Variants in SGCZ observed in about 807,000 individuals in gnomAD.
SGCZ encodes sarcoglycan zeta, also known as zeta-sarcoglycan.
SGCZ carries 40 observed loss-of-function variants against 41.3 expected under a neutral mutation model. The ratio of observed to expected loss-of-function variants is 0.97; its 90% CI spans 0.75 to 1.26. SGCZ has a LOEUF of 1.26. Ranked by LOEUF, SGCZ falls within the 50% of genes most tolerant of loss-of-function variation. The pLI, the probability that SGCZ is intolerant of heterozygous loss-of-function variation, is 0.00. For missense variants in SGCZ, 552 were observed against 369.8 expected (o/e 1.49, Z -4.04); for synonymous variants, 206 against 137.5 (o/e 1.50, Z -3.49).
At chr8:14,410,950 G>GT (rs1324055898) in intron 2 of SGCZ, among the ~76,000 whole-genome samples, 1 of 151,850 alleles carries the variant, frequency 6.6e-6, no homozygotes, top group African/African-American at 2.4e-5. Context: ...TTTCTTCAAC[G>GT]TTTTTTCTTT....
chr8:15,039,997 A>C (rs1804028693), intron 1 of SGCZ, among the ~76,000 whole-genome samples: 1 of 151,916 alleles, frequency 6.6e-6, no homozygotes, highest in African/African-American at 2.4e-5. Context: ...TTTAATTTGC[A>C]AAAAAAGTTA....
chr8:14,192,034 T>C (rs936784527), intron 4 of SGCZ, among the ~76,000 whole-genome samples: 11 of 152,086 alleles, frequency 7.2e-5, no homozygotes, highest in African/African-American at 2.7e-4. Flanking sequence ...TAGGAGGTAA[T>C]ACAAAATTCT....
At chr8:14,700,445 C>A (rs1809099784) in intron 1 of SGCZ, among the ~76,000 whole-genome samples, 1 of 151,750 alleles carries the variant, frequency 6.6e-6, no homozygotes, top group African/African-American at 2.4e-5. Flanking sequence ...ATAATGGACA[C>A]TGAGGACTAC....
rs931943257 is a variant in SGCZ, at chr8:15,023,177, C to G, written c.39+214408G>C. The stretch of plus-strand genomic sequence containing the variant: ...CGCTTGCTGAAAATTGAACATGAAA[C>G]AGATTAAATAGCATCTGAGAGGGGC... On this transcript the variant is annotated intron_variant, in intron 1 of 7. Coordinates refer to ENST00000382080, the MANE Select transcript of SGCZ (RefSeq NM_139167.4). Among the ~76,000 whole-genome samples the G allele has an allele frequency of 2.0e-5, 3 of 152,120 alleles. No individual in the cohort carries two copies. In the South Asian group the frequency reaches 6.2e-4, roughly 32 times the overall value.
chr8:15,237,511 G>T (rs1431026929), intron 1 of SGCZ, 74 bp downstream of exon 1: 2 of 1,522,360 alleles, frequency 1.3e-6, no homozygotes, highest in Non-Finnish European at 8.9e-7. Context: ...GCCGCTGGAG[G>T]AGCCGCGGGA....
chr8:14,950,959 G>C (rs1373460949), intron 1 of SGCZ, among the ~76,000 whole-genome samples: 1 of 151,978 alleles, frequency 6.6e-6, no homozygotes, highest in East Asian at 1.9e-4. Context: ...TTTGAATGTA[G>C]ATGTAAGTCA....
chr8:14,256,317 C>G (rs1463846096), intron 3 of SGCZ, among the ~76,000 whole-genome samples: 1 of 151,988 alleles, frequency 6.6e-6, no homozygotes, highest in Non-Finnish European at 1.5e-5. Flanking sequence ...GTCATTGGCT[C>G]TATATTCTTA....
At chr8:15,144,680 T>C (rs1435307005) in intron 1 of SGCZ, among the ~76,000 whole-genome samples, 3 of 152,154 alleles carry the variant, frequency 2.0e-5, no homozygotes, top group African/African-American at 7.2e-5. Flanking sequence ...ATTCTCGAAC[T>C]CCCGACCTCA....
intron 3 of SGCZ, among the ~76,000 whole-genome samples, chr8:14,307,080 C>A (rs1801373495): frequency 6.6e-6 from 1 of 152,028 alleles, no homozygotes; most frequent in Non-Finnish European, 1.5e-5. Context: ...AATATTTTAT[C>A]AGAAAAAGAG....
intron 1 of SGCZ, among the ~76,000 whole-genome samples, chr8:14,693,480 C>T (rs905193792): frequency 2.0e-5 from 3 of 150,206 alleles, no homozygotes; most frequent in Admixed American, 6.6e-5. Context: ...TTAGTAGAGA[C>T]AGGGTTTCAC....
At chr8:14,325,821 AG>A (rs71209041) in intron 2 of SGCZ, among the ~76,000 whole-genome samples, 1 of 142,320 alleles carries the variant, frequency 7.0e-6, no homozygotes, top group Non-Finnish European at 1.5e-5. Flanking sequence ...GAAAGGGATG[AG>A]GACGTGGGCC....
chr8:15,111,864 C>T (rs964132987), intron 1 of SGCZ, among the ~76,000 whole-genome samples: 3 of 150,698 alleles, frequency 2.0e-5, no homozygotes, highest in Admixed American at 2.0e-4. Context: ...TACACCACCG[C>T]ACTCCAGCCT....
At chr8:14,495,973 G>A (rs2117040387) in intron 2 of SGCZ, among the ~76,000 whole-genome samples, 2 of 152,250 alleles carry the variant, frequency 1.3e-5, no homozygotes, top group South Asian at 4.1e-4. Flanking sequence ...CAGAGAAACA[G>A]CTGGAACACT....
In SGCZ at chr8:14,620,052, T is replaced by A. The variant is rs1042624439; in HGVS notation, c.40-65126A>T. On this transcript the variant is annotated intron_variant, in intron 1 of 7. Transcript: ENST00000382080. ...TGACTTCAAACTATACTACAAGGCTTCAGTAACCAAAACAGCATGGTACTG... is the reference window on the plus strand; with the variant it reads ...TGACTTCAAACTATACTACAAGGCTACAGTAACCAAAACAGCATGGTACTG... 9.9e-5 allele frequency among the ~76,000 whole-genome samples: 15 copies of A among 152,086 alleles called. 1 individual carries two copies. The highest frequency in any genetic ancestry group is 7.2e-4 in the Admixed American group (11 of 15,238).
At position 14,324,261 on chromosome 8, in the gene SGCZ, C is replaced by T; in HGVS notation, c.235-57G>A. 4 of 1,301,650 alleles carry T rather than the reference C, an allele frequency of 3.1e-6. No homozygotes were observed. The South Asian group carries it at 4.8e-5, about 16-fold the overall frequency. The allele number at this position is 1,301,650 out of a possible 1,614,324, so 80.6% of individuals were successfully genotyped here. On this transcript the variant is annotated intron_variant, in intron 2 of 7. Transcript: ENST00000382080. The stretch of plus-strand genomic sequence containing the variant: ...GTTAATTGGAGAATGAATATCTGGC[C>T]ATAATTTTCTTAGGCCTAAATTGAG...
intron 4 of SGCZ, among the ~76,000 whole-genome samples, chr8:14,235,725 C>T (rs775340896): frequency 1.4e-4 from 21 of 152,176 alleles, no homozygotes; most frequent in Non-Finnish European, 2.8e-4. Flanking sequence ...CACTCTATTC[C>T]CCAGGCTGGA....
At chr8:14,354,538 A>G (rs1803223190) in intron 2 of SGCZ, among the ~76,000 whole-genome samples, 1 of 151,756 alleles carries the variant, frequency 6.6e-6, no homozygotes, top group Admixed American at 6.6e-5. Context: ...ATTCCAATAT[A>G]TATAGTATAC....
intron 1 of SGCZ, among the ~76,000 whole-genome samples, chr8:14,615,188 G>C (rs934762585): frequency 2.0e-5 from 3 of 152,166 alleles, no homozygotes; most frequent in African/African-American, 7.2e-5. Context: ...TAAGCAGGAG[G>C]CCCTTAACCT....
intron 1 of SGCZ, among the ~76,000 whole-genome samples, chr8:14,976,001 C>CATATATATATATATATATACACAT (rs145427292): frequency 3.6e-5 from 5 of 140,174 alleles, no homozygotes; most frequent in Non-Finnish European, 6.1e-5. Flanking sequence ...TATATATATA[C>CATATATATATATATATATACACAT]ATATATATAT....
Sources: allele counts gnomAD v4.1 joint callset (sites outside exome capture counted in the v4.1 genomes callset), GRCh38; gene constraint gnomAD v4.1.1; transcripts MANE v1.5; gene names NCBI Gene and HGNC (gene_info 2026-07-23, HGNC 2026-07-21).